DDAH1: variants seen among roughly 807,000 people sequenced by gnomAD.
DDAH1 encodes dimethylarginine dimethylaminohydrolase 1.
DDAH1 carries 19 observed loss-of-function variants against 28.8 expected under a neutral mutation model. That is an observed-to-expected ratio of 0.66 (90% CI 0.46 to 0.97). The LOEUF (loss-of-function observed/expected upper bound fraction) is 0.97, where lower values mean the gene tolerates loss of function less well. DDAH1 is among the 50% of genes least tolerant of loss of function. The pLI is 0.00. For synonymous variants in DDAH1, 153 were observed against 154.4 expected, an observed-to-expected ratio of 0.99 and a Z score of 0.07; for missense variants, 326 against 375.9, an observed-to-expected ratio of 0.87 and a Z score of 1.10.
At chr1:85,332,932 G>A (rs1457997385) in intron 4 of DDAH1, among the ~76,000 whole-genome samples, 4 of 152,046 alleles carry the variant, frequency 2.6e-5, no homozygotes, top group Non-Finnish European at 5.9e-5. Flanking sequence ...TAATATCAGT[G>A]AGTGCCCATG....
intron 1 of DDAH1, among the ~76,000 whole-genome samples, chr1:85,441,190 T>A (rs1654173577): frequency 6.6e-6 from 1 of 152,160 alleles, no homozygotes; most frequent in African/African-American, 2.4e-5. Flanking sequence ...GAGCTCAAAG[T>A]CATCCTCACA....
In DDAH1 at chr1:85,416,261, T is replaced by G. The variant is rs183569166; in HGVS notation, c.303+48482A>C. Among the ~76,000 whole-genome samples, 304 of 135,504 alleles carry G rather than the reference T, an allele frequency of 2.2e-3. 6 individuals are homozygous for G. In the East Asian group the frequency reaches 0.073, roughly 32 times the overall value. 88.9% of individuals were successfully genotyped at this position (135,504 alleles called of 152,430 possible). ...AGTATTTGGTTTTTGTTTTTTTGGG[T>G]TTTTTTTTGAGACGGAGTCTCACTC... On this transcript the variant is annotated intron_variant, in intron 1 of 5. Transcript: ENST00000284031.
intron 2 of DDAH1, among the ~76,000 whole-genome samples, chr1:85,476,920 T>C (rs1010546303): frequency 3.5e-4 from 53 of 152,308 alleles, no homozygotes; most frequent in African/African-American, 1.3e-3. Flanking sequence ...TGACTAGTAG[T>C]AGGTGCTAAT....
Position 85,464,519 on chromosome 1 carries a change from T to A in DDAH1, c.303+224A>T. 1.4e-6 allele frequency: 2 copies of A among 1,480,852 alleles called. No individual in the cohort carries two copies. The highest frequency in any genetic ancestry group is 1.8e-6 in the Non-Finnish European group (2 of 1,113,718). The allele number at this position is 1,480,852 out of a possible 1,614,324, so 91.7% of individuals were successfully genotyped here. On this transcript the variant is annotated intron_variant, in intron 1 of 5. Coordinates refer to ENST00000284031, the MANE Select transcript of DDAH1 (RefSeq NM_012137.4). The surrounding 1 kb of genome is among the most constrained non-coding windows in gnomAD (Gnocchi z 4.4). ...ACCTGCCCGAGACCGTACAACCACA[T>A]TGAATCGGATCCTCCAGAAGGCTGC...
rs568464698 is a variant in DDAH1 at position 85,537,166 on chromosome 1, T to C, written c.-123+40818A>G. ...GACCAACCTGGCAAAACCTCATCTC[T>C]ACAAAAAAATACAAAAAATTAGCTG... On this transcript the variant is annotated intron_variant, in intron 1 of 6. Transcript: ENST00000426972. Among the ~76,000 whole-genome samples the C allele has an allele frequency of 9.0e-4, 136 of 151,240 alleles. 1 individual carries two copies. Among genetic ancestry groups the C allele is most frequent in the South Asian group, 4.8e-3 (23 of 4,782 alleles).
At chr1:85,577,949 A>G (rs1289620315) in intron 1 of DDAH1, 1 of 984,896 alleles carries the variant, frequency 1.0e-6, no homozygotes, top group Non-Finnish European at 1.2e-6. Context: ...CTAGCAAAAG[A>G]GCCATACAGA....
chr1:85,510,917 C>T (rs1332199564), intron 1 of DDAH1, among the ~76,000 whole-genome samples: 1 of 152,160 alleles, frequency 6.6e-6, no homozygotes, highest in African/African-American at 2.4e-5. Context: ...CTTAACACCC[C>T]ACTGTCAATA....
chr1:85,537,280 G>A (rs1434001574), intron 1 of DDAH1, among the ~76,000 whole-genome samples: 1 of 151,764 alleles, frequency 6.6e-6, no homozygotes, highest in Non-Finnish European at 1.5e-5. Flanking sequence ...GTTGCAGTGA[G>A]CTGAGATTGC....
intron 1 of DDAH1, among the ~76,000 whole-genome samples, chr1:85,542,694 C>A (rs1283966896): frequency 6.6e-6 from 1 of 152,166 alleles, no homozygotes; most frequent in Non-Finnish European, 1.5e-5. Flanking sequence ...TATTCAGATC[C>A]ACCTTGTCCA....
At chr1:85,377,721 C>T (rs1338104799) in intron 1 of DDAH1, among the ~76,000 whole-genome samples, 1 of 151,144 alleles carries the variant, frequency 6.6e-6, no homozygotes, top group Non-Finnish European at 1.5e-5. Flanking sequence ...TCCCCCCACC[C>T]CCATACAAGT....
At chr1:85,473,498 C>T (rs10157641) in intron 2 of DDAH1, among the ~76,000 whole-genome samples, 2,113 of 152,276 alleles carry the variant, frequency 0.014, 25 homozygotes, top group Non-Finnish European at 0.023. Flanking sequence ...CACACACACA[C>T]ACGCACGCGC....
At chr1:85,523,426 A>G (rs1170990947) in intron 1 of DDAH1, among the ~76,000 whole-genome samples, 1 of 152,164 alleles carries the variant, frequency 6.6e-6, no homozygotes, top group African/African-American at 2.4e-5. Flanking sequence ...TGAGACAGAC[A>G]TTAAAGTCTC....
chr1:85,572,793 A>C (rs6682848), intron 1 of DDAH1, among the ~76,000 whole-genome samples: 135,742 of 152,232 alleles, frequency 0.89, 60,645 homozygotes, highest in South Asian at 0.94. Flanking sequence ...AAAGCAAAAC[A>C]TCACATGGCT....
intron 1 of DDAH1, among the ~76,000 whole-genome samples, chr1:85,500,599 A>G (rs1468805488): frequency 6.6e-6 from 1 of 151,982 alleles, no homozygotes; most frequent in African/African-American, 2.4e-5. Flanking sequence ...TTATGGGTTA[A>G]TATTTTTCAC....
Position 85,372,622 on chromosome 1 carries a change from C to T in DDAH1, c.304-13775G>A, listed in dbSNP as rs542685755. 7.1e-4 allele frequency among the ~76,000 whole-genome samples: 108 copies of T among 151,974 alleles called. 1 individual carries two copies. Among genetic ancestry groups the T allele is most frequent in the African/African-American group, 2.5e-3 (105 of 41,432 alleles). ...AAGTTATTTTTTACTTCTAATTTAT[C>T]ACTAAATATTAACTAATTTTTAAGT... On this transcript the variant is annotated intron_variant, in intron 1 of 5. Coordinates refer to ENST00000284031, the MANE Select transcript of DDAH1 (RefSeq NM_012137.4).
At chr1:85,374,024 T>C (rs932126272) in intron 1 of DDAH1, among the ~76,000 whole-genome samples, 13 of 152,288 alleles carry the variant, frequency 8.5e-5, no homozygotes, top group Middle Eastern at 6.8e-3. Flanking sequence ...CCAGTAACCA[T>C]TGCTCATTCT....
intron 1 of DDAH1, among the ~76,000 whole-genome samples, chr1:85,556,846 G>C (rs1045524049): frequency 3.3e-5 from 5 of 152,230 alleles, no homozygotes; most frequent in Admixed American, 3.3e-4. Flanking sequence ...GCTGGGCATA[G>C]TGGCTCACGC....
intron 1 of DDAH1, among the ~76,000 whole-genome samples, chr1:85,382,460 T>C (rs536556484): frequency 3.9e-5 from 6 of 152,314 alleles, no homozygotes; most frequent in South Asian, 4.1e-4. Flanking sequence ...AAGCCATCTT[T>C]ATAACATAAA....
At chr1:85,342,613 A>T (rs977018554) in intron 4 of DDAH1, among the ~76,000 whole-genome samples, 1 of 152,178 alleles carries the variant, frequency 6.6e-6, no homozygotes, top group African/African-American at 2.4e-5. Flanking sequence ...GGGCAGGAAA[A>T]ACCTAAGAAG....
Sources: allele counts gnomAD v4.1 joint callset (sites outside exome capture counted in the v4.1 genomes callset), GRCh38; gene constraint gnomAD v4.1.1; non-coding constraint Gnocchi (gnomAD v3.1); transcripts MANE v1.5; gene names NCBI Gene and HGNC (gene_info 2026-07-23, HGNC 2026-07-21).